ITPRID1: variants seen among roughly 807,000 people sequenced by gnomAD.
ITPRID1 encodes ITPR interacting domain containing 1.
A neutral mutation model predicts 95.4 loss-of-function variants in ITPRID1; 96 were observed. The ratio of observed to expected loss-of-function variants is 1.01; its 90% CI spans 0.85 to 1.19. The LOEUF is 1.19. Among genes scored for constraint, ITPRID1 ranks in the 50% most tolerant of loss-of-function variants. The pLI, the probability that ITPRID1 is intolerant of heterozygous loss-of-function variation, is 0.00. For synonymous variants in ITPRID1, 510 were observed against 453.6 expected (o/e 1.12, Z -1.58); for missense variants, 1,339 against 1,252.9 (o/e 1.07, Z -1.04).
chr7:31,585,410 C>A (rs553296639), intron 10 of ITPRID1, among the ~76,000 whole-genome samples: 2 of 152,236 alleles, frequency 1.3e-5, no homozygotes, highest in South Asian at 2.1e-4. Context: ...CACAAATATA[C>A]TATCCTCCCT....
chr7:31,554,575 T>C (rs2128137179), intron 4 of ITPRID1, 52 bp downstream of exon 4: 1 of 1,605,062 alleles, frequency 6.2e-7, no homozygotes, highest in South Asian at 1.1e-5. Context: ...CAAAGATCCA[T>C]GAAAACAATG....
intron 1 of ITPRID1, among the ~76,000 whole-genome samples, chr7:31,514,770 A>T (rs1782996284): frequency 6.6e-6 from 1 of 152,180 alleles, no homozygotes. Flanking sequence ...AATGAAATTG[A>T]ATGTTCCAAC....
chr7:31,612,035 ATTCATTTTTT>A (rs1786891548), intron 10 of ITPRID1, among the ~76,000 whole-genome samples: 1 of 151,320 alleles, frequency 6.6e-6, no homozygotes. Flanking sequence ...GTTCATTTTT[ATTCATTTTTT>A]TTCTGTTTTT....
chr7:31,620,324 C>A (rs961874535), intron 10 of ITPRID1, among the ~76,000 whole-genome samples: 1 of 152,012 alleles, frequency 6.6e-6, no homozygotes, highest in African/African-American at 2.4e-5. Flanking sequence ...GTCCCTGACC[C>A]CTGACCCCTG....
At chr7:31,566,609 A>C (rs990057044) in intron 5 of ITPRID1, among the ~76,000 whole-genome samples, 7 of 152,318 alleles carry the variant, frequency 4.6e-5, no homozygotes, top group African/African-American at 1.7e-4. Flanking sequence ...ATATTTTAAA[A>C]ATTGCTTGAA....
chr7:31,553,338 A>G (rs572174087), intron 3 of ITPRID1, among the ~76,000 whole-genome samples, 151 bp downstream of exon 3: 1 of 152,334 alleles, frequency 6.6e-6, no homozygotes, highest in African/African-American at 2.4e-5. Flanking sequence ...AACATTTATG[A>G]AATGGGCACT....
At chr7:31,615,784 C>T (rs371679550) in intron 10 of ITPRID1, among the ~76,000 whole-genome samples, 98 of 149,514 alleles carry the variant, frequency 6.6e-4, no homozygotes, top group South Asian at 1.5e-3. Context: ...GACAGAGTCT[C>T]GCTCTGTTGC....
At chr7:31,628,343 A>G (rs1583646692) in intron 10 of ITPRID1, among the ~76,000 whole-genome samples, 2 of 152,194 alleles carry the variant, frequency 1.3e-5, no homozygotes, top group South Asian at 4.1e-4. Flanking sequence ...AGAATAGCCA[A>G]CAAACGACTG....
intron 10 of ITPRID1, among the ~76,000 whole-genome samples, chr7:31,598,116 A>T (rs1583551854): frequency 6.6e-6 from 1 of 152,346 alleles, no homozygotes; most frequent in East Asian, 1.9e-4. Flanking sequence ...TTCCAAGTAT[A>T]GCAACAGTGT....
intron 5 of ITPRID1, among the ~76,000 whole-genome samples, chr7:31,557,524 C>G (rs1195948895): frequency 6.6e-6 from 1 of 152,132 alleles, no homozygotes; most frequent in South Asian, 2.1e-4. Flanking sequence ...AATCTCAAAT[C>G]TCATTTTTAT....
intron 1 of ITPRID1, among the ~76,000 whole-genome samples, chr7:31,547,738 T>A (rs995098424): frequency 2.6e-5 from 4 of 152,060 alleles, no homozygotes; most frequent in Non-Finnish European, 5.9e-5. Context: ...GCCTGAATAG[T>A]GGCCCTGTTT....
chr7:31,615,861 C>T (rs376466873), intron 10 of ITPRID1, among the ~76,000 whole-genome samples: 10 of 151,692 alleles, frequency 6.6e-5, no homozygotes, highest in African/African-American at 2.4e-4. Context: ...TCACGCCAAT[C>T]TCCTGCCTCA....
rs116238684 is a variant in ITPRID1, at chr7:31,633,284, A to C, written c.1229-8892A>C. ...CACATTCTGCACTACTCCAAGGAGC[A>C]GAGCTATGACCGACAAATGTAAAAT... On this transcript the variant is annotated intron_variant, in intron 10 of 14. Coordinates refer to ENST00000615280, the MANE Select transcript of ITPRID1 (RefSeq NM_001257967.3). Among the ~76,000 whole-genome samples the C allele has an allele frequency of 3.6e-3, 555 of 152,352 alleles. 4 individuals carry two copies. Among genetic ancestry groups the C allele is most frequent in the African/African-American group, 0.013 (538 of 41,588 alleles).
intron 1 of ITPRID1, among the ~76,000 whole-genome samples, chr7:31,520,396 A>T (rs898674101): frequency 6.6e-6 from 1 of 152,106 alleles, no homozygotes; most frequent in Non-Finnish European, 1.5e-5. Flanking sequence ...GTGAGAAGTT[A>T]TACTCTACCT....
intron 10 of ITPRID1, among the ~76,000 whole-genome samples, chr7:31,601,131 A>G (rs888524819): frequency 6.6e-6 from 1 of 152,200 alleles, no homozygotes; most frequent in African/African-American, 2.4e-5. Flanking sequence ...AGAAGAAATC[A>G]ATTACTTATT....
At chr7:31,602,663 G>A (rs1180881167) in intron 10 of ITPRID1, among the ~76,000 whole-genome samples, 7 of 152,076 alleles carry the variant, frequency 4.6e-5, no homozygotes, top group Admixed American at 4.6e-4. Context: ...TCGCCATCGG[G>A]GTGAGTGGAA....
At chr7:31,560,100 C>T (rs1784576461) in intron 5 of ITPRID1, among the ~76,000 whole-genome samples, 1 of 152,150 alleles carries the variant, frequency 6.6e-6, no homozygotes, top group African/African-American at 2.4e-5. Flanking sequence ...ATTTCAGCAG[C>T]TACCTGAAAG....
chr7:31,623,856 T>G (rs38359), intron 10 of ITPRID1, among the ~76,000 whole-genome samples: 59,704 of 151,890 alleles, frequency 0.39, 12,291 homozygotes, highest in Middle Eastern at 0.48. Context: ...TGATATGATT[T>G]TATATGTAGA....
chr7:31,637,978 A>G (rs143924370), intron 10 of ITPRID1, among the ~76,000 whole-genome samples: 1 of 152,308 alleles, frequency 6.6e-6, no homozygotes, highest in East Asian at 1.9e-4. Context: ...TCCCAACACC[A>G]TTTATTAAAT....
Sources: allele counts gnomAD v4.1 joint callset (sites outside exome capture counted in the v4.1 genomes callset), GRCh38; gene constraint gnomAD v4.1.1; transcripts MANE v1.5; gene names NCBI Gene and HGNC (gene_info 2026-07-23, HGNC 2026-07-21).